SCP2: variants seen among roughly 807,000 people sequenced by gnomAD.
SCP2 encodes sterol carrier protein 2, also known as SCP-2/3-oxoacyl-CoA thiolase.
SCP2 carries 48 observed loss-of-function variants against 71.4 expected under a neutral mutation model. That is an observed-to-expected ratio of 0.67 (90% CI 0.53 to 0.86). SCP2 has a LOEUF of 0.86. SCP2 is among the 40% of genes least tolerant of loss of function. SCP2 has a pLI of 0.00. For missense variants in SCP2, 560 were observed against 655.6 expected, an observed-to-expected ratio of 0.85 and a Z score of 1.59; for synonymous variants, 220 against 218.1, an observed-to-expected ratio of 1.01 and a Z score of -0.08.
intron 12 of SCP2, among the ~76,000 whole-genome samples, chr1:53,025,010 G>A (rs72903117): frequency 0.14 from 20,815 of 151,856 alleles, 2,035 homozygotes; most frequent in East Asian, 0.32. Flanking sequence ...GTTCCACTAA[G>A]ACTAATGTCT....
intron 12 of SCP2, among the ~76,000 whole-genome samples, chr1:53,020,087 A>G (rs1661613154): frequency 6.6e-6 from 1 of 152,002 alleles, no homozygotes; most frequent in Non-Finnish European, 1.5e-5. Flanking sequence ...GAGTTTTGCC[A>G]TGTTGTCCAG....
intron 2 of SCP2, among the ~76,000 whole-genome samples, chr1:52,942,533 A>G (rs544870741): frequency 4.6e-5 from 7 of 152,000 alleles, no homozygotes; most frequent in African/African-American, 1.7e-4. Flanking sequence ...ATCCCCATCC[A>G]TTGTTCTTCT....
At chr1:52,934,592 C>CT (rs771433635) in intron 1 of SCP2, among the ~76,000 whole-genome samples, 361 of 29,054 alleles carry the variant, frequency 0.012, 144 homozygotes, top group African/African-American at 0.026. Flanking sequence ...TTCCAGCTAA[C>CT]TTTTTTTTTT....
chr1:53,020,266 T>TA (rs11457999), intron 12 of SCP2, among the ~76,000 whole-genome samples: 15,184 of 152,238 alleles, frequency 0.1, 1,476 homozygotes, highest in African/African-American at 0.22. Flanking sequence ...CATATTAATT[T>TA]AGCCTTTTCC....
chr1:52,960,563 T>C (rs1656284402), intron 5 of SCP2, among the ~76,000 whole-genome samples: 1 of 142,898 alleles, frequency 7.0e-6, no homozygotes, highest in Non-Finnish European at 1.5e-5. Flanking sequence ...TGTATATATG[T>C]ATGTATATAT....
At chr1:53,016,982 G>A (rs1468425102) in intron 12 of SCP2, among the ~76,000 whole-genome samples, 1 of 152,068 alleles carries the variant, frequency 6.6e-6, no homozygotes. Flanking sequence ...CAATGAAGAG[G>A]AGAGGTCACA....
At chr1:53,000,552 A>G (rs1253042290) in intron 11 of SCP2, among the ~76,000 whole-genome samples, 1 of 152,270 alleles carries the variant, frequency 6.6e-6, no homozygotes, top group African/African-American at 2.4e-5. Flanking sequence ...TTCAGTCAAC[A>G]TCAGTTCAGT....
chr1:53,049,474 C>T (rs1032528574), intron 15 of SCP2: 5 of 152,196 alleles, frequency 3.3e-5, no homozygotes, highest in African/African-American at 9.6e-5. Context: ...AGCAAGCGTA[C>T]ATGAAGAACA....
chr1:52,960,292 T>C (rs1336553134), intron 5 of SCP2, among the ~76,000 whole-genome samples: 7 of 151,926 alleles, frequency 4.6e-5, no homozygotes, highest in Non-Finnish European at 1.0e-4. Context: ...TCCTTTCTTC[T>C]CCTTACTTTG....
intron 13 of SCP2, among the ~76,000 whole-genome samples, chr1:53,037,401 T>C (rs1663032517): frequency 6.6e-6 from 1 of 152,108 alleles, no homozygotes; most frequent in Non-Finnish European, 1.5e-5. Flanking sequence ...CGTATTGTCA[T>C]AGTGATCATA....
intron 13 of SCP2, among the ~76,000 whole-genome samples, chr1:53,029,214 T>C (rs771166821): frequency 6.6e-6 from 1 of 152,054 alleles, no homozygotes; most frequent in African/African-American, 2.4e-5. Flanking sequence ...TCACGCAAAA[T>C]TGATATTTAT....
intron 13 of SCP2, among the ~76,000 whole-genome samples, chr1:53,028,802 G>T (rs1040324310): frequency 1.3e-5 from 2 of 152,056 alleles, no homozygotes; most frequent in Admixed American, 6.6e-5. Context: ...CTGAGACAGT[G>T]TCTTGCTCTG....
At chr1:53,024,270 A>G (rs1211332663) in intron 12 of SCP2, among the ~76,000 whole-genome samples, 1 of 152,188 alleles carries the variant, frequency 6.6e-6, no homozygotes. Flanking sequence ...TTATAGAGAC[A>G]GAAAGTAGAA....
chr1:52,929,074 T>G (rs1036932339), intron 1 of SCP2, among the ~76,000 whole-genome samples: 8 of 152,166 alleles, frequency 5.3e-5, no homozygotes. Flanking sequence ...GTGAGGAGTT[T>G]GGGTAGTGCC....
chr1:53,036,280 T>TAC (rs1386076189), intron 13 of SCP2, among the ~76,000 whole-genome samples: 1 of 149,290 alleles, frequency 6.7e-6, no homozygotes, highest in African/African-American at 2.4e-5. Context: ...AACATATATA[T>TAC]ACTATATTTT....
intron 11 of SCP2, among the ~76,000 whole-genome samples, chr1:53,012,574 T>C (rs922119749): frequency 3.9e-5 from 6 of 152,264 alleles, no homozygotes; most frequent in East Asian, 1.9e-4. Flanking sequence ...CTAGATTATC[T>C]AGTTTTTCAC....
At chr1:53,005,387 C>T (rs1660568102) in intron 11 of SCP2, among the ~76,000 whole-genome samples, 1 of 152,212 alleles carries the variant, frequency 6.6e-6, no homozygotes, top group Admixed American at 6.5e-5. Context: ...GGCTGACCAA[C>T]ACCTCATACA....
chr1:53,039,517 A>G lies in SCP2; in HGVS notation c.1468+471A>G, dbSNP rs1045361844. On this transcript the variant is annotated intron_variant, in intron 14 of 15. Transcript: ENST00000371514. ...GTTATTCTTATCCAAATCTTTTTTG[A>G]CCCCACTCTAGTCAGCTTTTGTCCT... 2.0e-5 allele frequency among the ~76,000 whole-genome samples: 3 copies of G among 152,094 alleles called. No individual in the cohort carries two copies. In the East Asian group the frequency reaches 5.8e-4, roughly 29 times the overall value.
At chr1:53,039,652 C>A (rs1323837535) in intron 14 of SCP2, among the ~76,000 whole-genome samples, 2 of 152,214 alleles carry the variant, frequency 1.3e-5, no homozygotes, top group Admixed American at 6.5e-5. Flanking sequence ...GTTTTCCTTA[C>A]CTACTGACTG....
Sources: gnomAD v4.1 joint callset for allele counts (sites outside exome capture counted in the v4.1 genomes callset) on GRCh38, gnomAD v4.1.1 for gene constraint, MANE v1.5 for transcripts, NCBI Gene and HGNC (gene_info 2026-07-23, HGNC 2026-07-21) for gene names.